Variants in COPS9 observed in about 807,000 individuals in gnomAD.
COPS9 encodes the protein COP9 signalosome complex subunit 9.
A neutral mutation model predicts 7.2 loss-of-function variants in COPS9; 8 were observed. That is an observed-to-expected ratio of 1.11 (90% CI 0.65 to 2.00). The LOEUF (loss-of-function observed/expected upper bound fraction) is 2.00, where lower values mean the gene tolerates loss of function less well. Among genes scored for constraint, COPS9 ranks in the 30% most tolerant of loss-of-function variants. The probability of loss-of-function intolerance (pLI) is 0.00; values close to 1 mark genes in which losing one functional copy is unlikely to be tolerated. For missense variants in COPS9, 74 were observed against 77.7 expected, an observed-to-expected ratio of 0.95 and a Z score of 0.18; for synonymous variants, 39 against 28.7, an observed-to-expected ratio of 1.36 and a Z score of -1.14.
downstream of COPS9, chr2:240,130,007 TGTCCTGGGCA>T (rs2071905379): frequency 6.2e-7 from 1 of 1,613,766 alleles, no homozygotes; most frequent in Non-Finnish European, 8.5e-7. Context: ...ACTGCTGGCT[TGTCCTGGGCA>T]GTCCTGAGCT....
At chr2:240,127,267 C>A (rs913560321), downstream of COPS9, among the ~76,000 whole-genome samples, 1 of 149,088 alleles carries the variant, frequency 6.7e-6, no homozygotes, top group East Asian at 2.0e-4. Flanking sequence ...CACAAGGCAT[C>A]ATTATGACCC....
downstream of COPS9, chr2:240,130,163 T>C: frequency 4.5e-6 from 3 of 668,210 alleles, no homozygotes; most frequent in South Asian, 4.0e-5. Context: ...CAAATGTCTC[T>C]TCTGTAAACA....
At chr2:240,129,370 T>C (rs1185562973), downstream of COPS9, among the ~76,000 whole-genome samples, 1 of 152,172 alleles carries the variant, frequency 6.6e-6, no homozygotes, top group Non-Finnish European at 1.5e-5. Flanking sequence ...CTCGTTCTGT[T>C]GCCCAGGTTG....
At chr2:240,130,639 G>A (rs914668883), downstream of COPS9, among the ~76,000 whole-genome samples, 6 of 152,258 alleles carry the variant, frequency 3.9e-5, no homozygotes, top group African/African-American at 1.4e-4. Context: ...AGGCCCAGCT[G>A]TGCACGGGCC....
At chr2:240,136,139 G>A (rs1190474353) in intron 1 of COPS9, 83 bp downstream of exon 1, 2 of 520,860 alleles carry the variant, frequency 3.8e-6, no homozygotes, top group South Asian at 3.4e-5. Flanking sequence ...TCCCCTCCCC[G>A]GGACCCGCGC....
In COPS9 at chr2:240,132,549, C is replaced by T. The variant is rs75967047; in HGVS notation, c.136+1384G>A. 0.014 allele frequency among the ~76,000 whole-genome samples: 2,057 copies of T among 152,288 alleles called. 42 individuals carry two copies. Among genetic ancestry groups the T allele is most frequent in the East Asian group, 0.089 (461 of 5,180 alleles). ...CTCAGGTTGCTGGGCGCTCACCTGA[C>T]GGGTAGGACCTGGGTCCCTCTCAGA... On this transcript the variant is annotated intron_variant, in intron 2 of 2. Transcript: ENST00000607357. The surrounding 1 kb of genome is among the most constrained non-coding windows in gnomAD (Gnocchi z 4.1).
chr2:240,135,940 T>A, intron 1 of COPS9: 1 of 481,106 alleles, frequency 2.1e-6, no homozygotes, highest in East Asian at 3.7e-5. Context: ...ACGGGTGTGT[T>A]CCCGGGGGCC....
downstream of COPS9, among the ~76,000 whole-genome samples, chr2:240,130,480 G>T (rs189254351): frequency 6.6e-6 from 1 of 152,180 alleles, no homozygotes. Context: ...GCATCCTGTC[G>T]TCCTAGTTCT....
At chr2:240,127,005 C>T (rs191332096), downstream of COPS9, 344 of 1,567,172 alleles carry the variant, frequency 2.2e-4, 2 homozygotes, top group African/African-American at 3.2e-3. Flanking sequence ...TCTGGAATTC[C>T]GAGTGACCTG....
chr2:240,136,264 C>T lies in COPS9; in HGVS notation c.21G>A (p.Glu7=), dbSNP rs764403475. The part of the protein sequence containing the change: MKPAVD[E]MFPEGAGPYV... ...AGGGCCCGGCGCCCTCGGGGAACAT[C>T]TCGTCCACCGCCGGCTTCATCTCGG... Residue 7 remains glutamate, a synonymous_variant, in exon 1 of 3, where the codon GAG becomes GAA. Coordinates refer to ENST00000607357, the MANE Select transcript of COPS9 (RefSeq NM_001163424.2). 2 of 1,571,502 alleles carry T rather than the reference C, an allele frequency of 1.3e-6. No homozygotes were observed. The highest frequency in any genetic ancestry group is 1.2e-5 in the South Asian group (1 of 86,300).
rs2071916475 is a variant in COPS9, at chr2:240,130,994, G to A, written c.*57C>T. ...AAACCACCTGAAACTGTCCTGCGCA[G>A]GCTCACACTGCGGCTCTGTACCAAG... On this transcript the variant is annotated 3_prime_UTR_variant, in exon 3 of 3. Transcript: ENST00000607357. The A allele has an allele frequency of 2.5e-6, 4 of 1,602,686 alleles. No individual in the cohort carries two copies. In the South Asian group the frequency reaches 3.4e-5, roughly 14 times the overall value.
intron 1 of COPS9, 98 bp from the exon 2 acceptor site, chr2:240,134,103 G>T: frequency 9.0e-7 from 1 of 1,112,144 alleles, no homozygotes; most frequent in Non-Finnish European, 1.4e-6. Context: ...AAAAGAAGAT[G>T]GGTGAGGGGA....
downstream of COPS9, chr2:240,129,846 G>A (rs2071902748): frequency 2.7e-6 from 4 of 1,454,676 alleles, no homozygotes; most frequent in Non-Finnish European, 3.8e-6. Context: ...GTGGGTCTCA[G>A]AAACAAAGCG....
chr2:240,136,278 G>C lies in COPS9; in HGVS notation c.7C>G (p.Pro3Ala). MK[P>A]AVDEMFPEGA... ...TCGGGGAACATCTCGTCCACCGCCG[G>C]CTTCATCTCGGGGCCGCGGCGCTCT... Residue 3 changes from proline to alanine, a missense_variant, in exon 1 of 3, where the codon CCG becomes GCG. By Grantham distance (27) the Pro-to-Ala change is conservative. Transcript: ENST00000607357. 6.4e-7 allele frequency: 1 copy of C among 1,568,890 alleles called. No homozygotes were observed. The highest frequency in any genetic ancestry group is 1.7e-4 in the Middle Eastern group (1 of 5,968).
downstream of COPS9, among the ~76,000 whole-genome samples, chr2:240,127,724 CTTTCT>C (rs1018990119): frequency 9.2e-5 from 14 of 152,284 alleles, no homozygotes; most frequent in African/African-American, 2.9e-4. Context: ...CTTGGGGTGG[CTTTCT>C]CTTCTCTCCA....
downstream of COPS9, among the ~76,000 whole-genome samples, chr2:240,127,816 C>A (rs2071882204): frequency 6.6e-6 from 1 of 152,156 alleles, no homozygotes; most frequent in Non-Finnish European, 1.5e-5. Context: ...CTGCTGAGCA[C>A]CCTGACAAAG....
rs1340626772 is a variant in COPS9 at position 240,136,069 on chromosome 2, G to C, written c.63+153C>G. ...TTCACCAGGTGCTCGGAGAAACCGGGATTTGCTCTCCGCGGGGCAGGGAGC... is the reference window on the plus strand; with the variant it reads ...TTCACCAGGTGCTCGGAGAAACCGGCATTTGCTCTCCGCGGGGCAGGGAGC... On this transcript the variant is annotated intron_variant, in intron 1 of 2. Transcript: ENST00000607357. The C allele has an allele frequency of 4.2e-6, 5 of 1,202,224 alleles. No homozygotes were observed. In the East Asian group the frequency reaches 1.6e-4, roughly 39 times the overall value. The allele number at this position is 1,202,224 out of a possible 1,614,324, so 74.5% of individuals were successfully genotyped here.
intron 1 of COPS9, 82 bp from the exon 2 acceptor site, chr2:240,134,087 C>T (rs2071949294): frequency 7.6e-7 from 1 of 1,308,620 alleles, no homozygotes; most frequent in South Asian, 1.2e-5. Flanking sequence ...CCACTACCCC[C>T]ACAAAAAAAG....
At chr2:240,127,857 TG>T (rs2071882572), downstream of COPS9, among the ~76,000 whole-genome samples, 1 of 152,208 alleles carries the variant, frequency 6.6e-6, no homozygotes, top group South Asian at 2.1e-4. Flanking sequence ...AGGGTTGCTC[TG>T]CCTTGCTCAG....
Sources: allele counts gnomAD v4.1 joint callset (sites outside exome capture counted in the v4.1 genomes callset), GRCh38; gene constraint gnomAD v4.1.1; non-coding constraint Gnocchi (gnomAD v3.1); transcripts MANE v1.5; gene names NCBI Gene and HGNC (gene_info 2026-07-23, HGNC 2026-07-21).